Variants in HSDL1 observed in about 807,000 individuals in gnomAD.
HSDL1 encodes the protein hydroxysteroid dehydrogenase like 1.
HSDL1 carries 29 observed loss-of-function variants against 31.5 expected under a neutral mutation model. The ratio of observed to expected loss-of-function variants is 0.92; its 90% CI spans 0.69 to 1.26. The LOEUF is 1.26. Among genes scored for constraint, HSDL1 ranks in the 50% most tolerant of loss-of-function variants. The probability of loss-of-function intolerance (pLI) is 0.00; values close to 1 mark genes in which losing one functional copy is unlikely to be tolerated. For missense variants in HSDL1, 503 were observed against 416.6 expected (o/e 1.21, Z -1.81); for synonymous variants, 222 against 155.2 (o/e 1.43, Z -3.20).
chr16:84,125,619 GA>G (rs1313023855), intron 5 of HSDL1, among the ~76,000 whole-genome samples: 1 of 152,052 alleles, frequency 6.6e-6, no homozygotes, highest in Non-Finnish European at 1.5e-5. Flanking sequence ...TACAACAAAG[GA>G]AAAAGCCTCC....
rs2086580321 is a variant in HSDL1 at position 84,124,167 on chromosome 16, T to C, written c.*463A>G. On this transcript the variant is annotated 3_prime_UTR_variant, in exon 6 of 6. Coordinates refer to ENST00000219439, the MANE Select transcript of HSDL1 (RefSeq NM_031463.5). Reference sequence around the variant, plus strand: ...GAGCTATACAATACACACAGATTTTTCCTAATAGTACCAGCAATCTTAGTT... The same window carrying C: ...GAGCTATACAATACACACAGATTTTCCCTAATAGTACCAGCAATCTTAGTT... 3 of 163,554 alleles carry C rather than the reference T, an allele frequency of 1.8e-5. No individual in the cohort carries two copies. Among genetic ancestry groups the C allele is most frequent in the Admixed American group, 1.2e-4 (2 of 17,072 alleles). The allele number at this position is 163,554 out of a possible 1,614,324, so 10.1% of individuals were successfully genotyped here.
chr16:84,139,021 A>G (rs1385881474), intron 1 of HSDL1, among the ~76,000 whole-genome samples: 1 of 152,228 alleles, frequency 6.6e-6, no homozygotes, highest in Non-Finnish European at 1.5e-5. Flanking sequence ...AAACATGGAC[A>G]TTACCAAGCT....
At chr16:84,140,141 C>G (rs2086752496) in intron 1 of HSDL1, among the ~76,000 whole-genome samples, 1 of 152,186 alleles carries the variant, frequency 6.6e-6, no homozygotes, top group Admixed American at 6.5e-5. Context: ...TGGCACTTAG[C>G]ACACACTGCT....
chr16:84,131,776 T>C (rs568127446), intron 2 of HSDL1, among the ~76,000 whole-genome samples: 3 of 150,850 alleles, frequency 2.0e-5, no homozygotes, highest in Non-Finnish European at 4.4e-5. Context: ...CCCCCTGGGG[T>C]TCACGCCATT....
chr16:84,126,200 C>T (rs2086605310), intron 5 of HSDL1, among the ~76,000 whole-genome samples: 1 of 151,570 alleles, frequency 6.6e-6, no homozygotes, highest in South Asian at 2.1e-4. Flanking sequence ...AAAACTGGGG[C>T]TTGAGGGGTA....
chr16:84,129,519 T>C, intron 5 of HSDL1, 29 bp downstream of exon 5: 1 of 1,486,580 alleles, frequency 6.7e-7, no homozygotes, highest in Non-Finnish European at 9.4e-7. Flanking sequence ...TGCATTAATC[T>C]AATTATGAGA....
At chr16:84,139,571 G>C (rs915013857) in intron 1 of HSDL1, among the ~76,000 whole-genome samples, 1 of 152,186 alleles carries the variant, frequency 6.6e-6, no homozygotes, top group Admixed American at 6.5e-5. Context: ...CCCATCTCCA[G>C]AAGGAAGAGA....
intron 1 of HSDL1, among the ~76,000 whole-genome samples, chr16:84,141,014 C>G (rs1372268971): frequency 1.3e-5 from 2 of 151,662 alleles, no homozygotes; most frequent in African/African-American, 4.9e-5. Flanking sequence ...TGGCGTGAAC[C>G]CGGAAGGCGG....
chr16:84,141,019 A>G (rs1348380937), intron 1 of HSDL1, among the ~76,000 whole-genome samples: 1 of 151,774 alleles, frequency 6.6e-6, no homozygotes, highest in Non-Finnish European at 1.5e-5. Context: ...TGAACCCGGA[A>G]GGCGGAGCTT....
rs57715173 is a variant in HSDL1 at position 84,141,313 on chromosome 16, G to C, written c.-69+3767C>G. Among the ~76,000 whole-genome samples the C allele has an allele frequency of 3.5e-3, 525 of 151,608 alleles. 15 individuals carry two copies. The highest frequency in any genetic ancestry group is 0.031 in the Admixed American group (470 of 15,208). On this transcript the variant is annotated intron_variant, in intron 1 of 5. Transcript: ENST00000219439. ...CACAGGTCCCCCTGCTGCTGGTTCA[G>C]ATACACCACGATTCACAGGTCCCCC... is the stretch of plus-strand genomic sequence containing the variant.
intron 5 of HSDL1, among the ~76,000 whole-genome samples, chr16:84,127,206 CTTCT>C (rs1289216687): frequency 7.8e-5 from 9 of 114,880 alleles, no homozygotes; most frequent in African/African-American, 3.1e-4. Flanking sequence ...AAAACTGTTT[CTTCT>C]TTTTTTTTTT....
intron 5 of HSDL1, among the ~76,000 whole-genome samples, chr16:84,125,862 G>A (rs568081666): frequency 2.2e-4 from 33 of 152,214 alleles, no homozygotes; most frequent in Non-Finnish European, 4.4e-4. Context: ...CCAACACTTT[G>A]GGAGGCCGAG....
chr16:84,122,897 C>T lies in HSDL1; in HGVS notation c.*1733G>A, dbSNP rs1400365726. On this transcript the variant is annotated 3_prime_UTR_variant, in exon 6 of 6. Coordinates refer to ENST00000219439, the MANE Select transcript of HSDL1 (RefSeq NM_031463.5). ...AAGGTGTGTTCACCTATTCTCATCA[C>T]GTAACACTGATGGATTCCATACCTA... The T allele has an allele frequency of 5.9e-5, 9 of 152,212 alleles. No homozygotes were observed. The highest frequency in any genetic ancestry group is 7.2e-5 in the African/African-American group (3 of 41,456). The allele number at this position is 152,212 out of a possible 1,614,324, so 9.4% of individuals were successfully genotyped here.
At chr16:84,126,223 G>C (rs746181281) in intron 5 of HSDL1, among the ~76,000 whole-genome samples, 1 of 152,066 alleles carries the variant, frequency 6.6e-6, no homozygotes. Flanking sequence ...ATGGAACAAA[G>C]TTCAACAAGA....
chr16:84,131,482 A>AGTCTGTCTGTCTGTCTGTCTGTCT (rs199649791), intron 2 of HSDL1, among the ~76,000 whole-genome samples, 155 bp from the exon 3 acceptor site: 30 of 139,322 alleles, frequency 2.2e-4, no homozygotes, highest in African/African-American at 8.4e-4. Context: ...TCACAGTTTC[A>AGTCTGTCTGTCTGTCTGTCTGTCT]GTCTATCTAT....
rs142259509 is a variant in HSDL1, at chr16:84,131,274, C to G, written c.48G>C (p.Arg16Ser). The G allele has an allele frequency of 1.2e-5, 20 of 1,613,988 alleles. No individual in the cohort carries two copies. The African/African-American group carries it at 1.7e-4, about 14-fold the overall frequency. Reference protein sequence around the residue: ...SFYLLYREIARSCNCYMEALA... With the variant: ...SFYLLYREIASSCNCYMEALA... ...GAGCTTCCATATAGCAATTGCAAGA[C>G]CTGGCGATTTCCCTGTACAAGAGGT... Residue 16 changes from arginine to serine, a missense_variant, in exon 3 of 6, where the codon AGG (arginine) becomes AGC (serine). Coordinates refer to ENST00000219439, the MANE Select transcript of HSDL1 (RefSeq NM_031463.5).
intron 2 of HSDL1, among the ~76,000 whole-genome samples, chr16:84,131,883 G>A (rs948529401): frequency 1.3e-5 from 2 of 152,186 alleles, no homozygotes; most frequent in Non-Finnish European, 2.9e-5. Context: ...GTTTCACCGC[G>A]TTAGCCAGGA....
chr16:84,131,371 T>C, intron 2 of HSDL1, 44 bp from the exon 3 acceptor site: 1 of 1,360,246 alleles, frequency 7.4e-7, no homozygotes. Flanking sequence ...GATTAATAAA[T>C]TAAAGGAACA....
intron 1 of HSDL1, among the ~76,000 whole-genome samples, chr16:84,136,351 T>G (rs1016262957): frequency 6.6e-6 from 1 of 152,270 alleles, no homozygotes; most frequent in African/African-American, 2.4e-5. Context: ...GCAACTGTTC[T>G]GTCTCTGACC....
Sources: gnomAD v4.1 joint callset for allele counts (sites outside exome capture counted in the v4.1 genomes callset) on GRCh38, gnomAD v4.1.1 for gene constraint, MANE v1.5 for transcripts, NCBI Gene and HGNC (gene_info 2026-07-23, HGNC 2026-07-21) for gene names.